The following BCAR1 variants were observed in gnomAD, a reference collection of about 807,000 sequenced individuals.
BCAR1 encodes the protein BCAR1 scaffold protein, Cas family member, also known as breast cancer anti-estrogen resistance protein 1.
A neutral mutation model predicts 67.6 loss-of-function variants in BCAR1; 30 were observed. The observed-to-expected ratio is 0.44, with a 90% confidence interval of 0.33 to 0.60. The LOEUF is 0.60. Among genes scored for constraint, BCAR1 ranks in the 20% least tolerant of loss-of-function variants. The probability of loss-of-function intolerance (pLI) is 0.02; values close to 1 mark genes in which losing one functional copy is unlikely to be tolerated. For synonymous variants in BCAR1, 626 were observed against 556.7 expected (o/e 1.12, Z -1.75); for missense variants, 1,313 against 1,222.3 (o/e 1.07, Z -1.11).
At chr16:75,238,858 G>T (rs888969056) in intron 2 of BCAR1, 1 of 985,402 alleles carries the variant, frequency 1.0e-6, no homozygotes, top group Non-Finnish European at 1.2e-6. Context: ...TCGAGGCACG[G>T]CCTGAGGCTT....
chr16:75,262,135 G>A (rs1001515395), intron 1 of BCAR1, among the ~76,000 whole-genome samples: 7 of 152,042 alleles, frequency 4.6e-5, no homozygotes, highest in Admixed American at 3.3e-4. Flanking sequence ...TCCCCACCCC[G>A]CAGCAGCCTC....
chr16:75,266,696 G>C, intron 1 of BCAR1: 1 of 1,373,490 alleles, frequency 7.3e-7, no homozygotes, highest in Non-Finnish European at 9.5e-7. Flanking sequence ...CATAGGCCCA[G>C]GCACTGAGAT....
intron 2 of BCAR1, chr16:75,238,119 C>A: frequency 7.8e-7 from 1 of 1,288,294 alleles, no homozygotes; most frequent in South Asian, 1.2e-5. Context: ...GAAGCCAAGG[C>A]CCGCACAGTG....
chr16:75,260,825 G>A (rs1331691834), intron 1 of BCAR1, among the ~76,000 whole-genome samples: 2 of 152,082 alleles, frequency 1.3e-5, no homozygotes, highest in Non-Finnish European at 2.9e-5. Flanking sequence ...TTTTTGCCCT[G>A]ACCATCAGGG....
upstream of BCAR1, chr16:75,251,968 C>T (rs776410573): frequency 1.8e-5 from 11 of 595,818 alleles, no homozygotes; most frequent in Non-Finnish European, 2.9e-5. Flanking sequence ...TGCCTTCTTC[C>T]TCCAGAGCCG....
At chr16:75,264,683 C>T in intron 1 of BCAR1, 1 of 1,245,824 alleles carries the variant, frequency 8.0e-7, no homozygotes, top group Non-Finnish European at 1.0e-6. Context: ...ACTTGGCCAG[C>T]TTCCCTCTGG....
At chr16:75,247,791 T>G (rs1353233395) in intron 1 of BCAR1, 1 of 518,166 alleles carries the variant, frequency 1.9e-6, no homozygotes, top group Non-Finnish European at 3.5e-6. Flanking sequence ...ATATCTGGCC[T>G]GCACCCTTTC....
At position 75,230,027 on chromosome 16, in the gene BCAR1, G is replaced by T; in HGVS notation, c.2101-4C>A. 6.6e-7 allele frequency: 1 copy of T among 1,525,676 alleles called. No individual in the cohort carries two copies. Among genetic ancestry groups the T allele is most frequent in the Non-Finnish European group, 8.8e-7 (1 of 1,135,546 alleles). The allele number at this position is 1,525,676 out of a possible 1,614,324, so 94.5% of individuals were successfully genotyped here. ...CCAGTCGTTCAAACTGCTTCAGCTGGGGCAGGAGGGAAGCAGGAGCAGGGT... is the reference window on the plus strand; with the variant it reads ...CCAGTCGTTCAAACTGCTTCAGCTGTGGCAGGAGGGAAGCAGGAGCAGGGT... On this transcript the variant is annotated splice_region_variant and splice_polypyrimidine_tract_variant and intron_variant, in intron 6 of 6. Coordinates refer to ENST00000162330, the MANE Select transcript of BCAR1 (RefSeq NM_014567.5).
In BCAR1 at chr16:75,241,458, C is replaced by T. The variant is rs542884855; in HGVS notation, c.633+1012G>A. On this transcript the variant is annotated intron_variant, in intron 2 of 6. Coordinates refer to ENST00000162330, the MANE Select transcript of BCAR1 (RefSeq NM_014567.5). Reference sequence around the variant, plus strand: ...AGGACACTGCTCCCTGCCGCCTCCCCAGGGGATAACAGGACCCTGCTCCTC... The same window carrying T: ...AGGACACTGCTCCCTGCCGCCTCCCTAGGGGATAACAGGACCCTGCTCCTC... Among the ~76,000 whole-genome samples, 8 of 152,212 alleles carry T rather than the reference C, an allele frequency of 5.3e-5. No homozygotes were observed. The East Asian group carries it at 1.4e-3, about 26-fold the overall frequency.
intron 4 of BCAR1, chr16:75,236,489 C>T (rs1046246689): frequency 7.4e-5 from 25 of 340,056 alleles, no homozygotes; most frequent in Middle Eastern, 1.6e-3. Flanking sequence ...AGCAGGTGTG[C>T]GACTGAGCTC....
Position 75,237,348 on chromosome 16 carries a change from G to A in BCAR1, c.634-4C>T. 2.1e-6 allele frequency: 3 copies of A among 1,457,100 alleles called. No homozygotes were observed. 90.3% of individuals were successfully genotyped at this position (1,457,100 alleles called of 1,614,324 possible). A position where few individuals can be genotyped will look rare whatever the true frequency, so the allele number is the denominator to read the frequency against. ...CCACGCGGGTGGGCACCACCACCTG[G>A]GGGCAGAGAGCCGACTTCACTGCTG... On this transcript the variant is annotated splice_polypyrimidine_tract_variant and splice_region_variant and intron_variant, in intron 2 of 6. Transcript: ENST00000162330.
chr16:75,234,747 A>G (rs2077039165), intron 5 of BCAR1, 142 bp downstream of exon 5: 1 of 1,290,090 alleles, frequency 7.8e-7, no homozygotes, highest in South Asian at 1.7e-5. Context: ...ACATGGGGCC[A>G]ATGTGGGGTG....
intron 1 of BCAR1, among the ~76,000 whole-genome samples, chr16:75,243,884 C>T (rs960916310): frequency 2.0e-5 from 3 of 152,238 alleles, no homozygotes; most frequent in South Asian, 2.1e-4. Context: ...TCGCCCCTGC[C>T]GCTGCTGCCC....
intron 2 of BCAR1, among the ~76,000 whole-genome samples, chr16:75,239,716 T>G (rs966399119): frequency 6.6e-6 from 1 of 152,058 alleles, no homozygotes; most frequent in East Asian, 1.9e-4. Context: ...CACCCCAGCA[T>G]GAGGGGCTCA....
intron 1 of BCAR1, chr16:75,245,961 G>GTGCTTTT (rs2077504138): frequency 3.7e-5 from 1 of 27,006 alleles, no homozygotes; most frequent in Non-Finnish European, 8.9e-5. Context: ...TCATAGGATT[G>GTGCTTTT]TTCTTTTTTT....
chr16:75,231,003 CAG>C (rs1283355480), intron 6 of BCAR1, among the ~76,000 whole-genome samples: 4 of 150,248 alleles, frequency 2.7e-5, no homozygotes. Flanking sequence ...TGAGCCCTGA[CAG>C]AGCACAGGCA....
rs754042658 is a variant in BCAR1 at position 75,235,515 on chromosome 16, C to A, written c.1384G>T (p.Ala462Ser). 1.9e-5 allele frequency: 30 copies of A among 1,596,666 alleles called. No homozygotes were observed. Among genetic ancestry groups the A allele is most frequent in the Non-Finnish European group, 2.5e-5 (29 of 1,172,442 alleles). ...ACACCCTGCTGCAGCCGTGCCAGGG[C>A]CTCCACAGCAACTTCCAGCTCCAGG... ...EPLELEVAVEALARLQQGVSA... is the reference protein window; with the variant it reads ...EPLELEVAVESLARLQQGVSA... The change falls in exon 5 of 7, where the codon GCC becomes TCC. Residue 462 changes from alanine to serine, a missense_variant. Ala to Ser is a moderately conservative substitution (Grantham distance 99). Coordinates refer to ENST00000162330, the MANE Select transcript of BCAR1 (RefSeq NM_014567.5).
At chr16:75,230,130 C>G in intron 6 of BCAR1, 107 bp from the exon 7 acceptor site, 2 of 1,374,172 alleles carry the variant, frequency 1.5e-6, no homozygotes, top group Non-Finnish European at 2.0e-6. Context: ...GGCCGCTACT[C>G]AGAGTGCATG....
chr16:75,239,075 G>A (rs569480205), intron 2 of BCAR1: 8 of 985,404 alleles, frequency 8.1e-6, no homozygotes, highest in Middle Eastern at 5.2e-4. Flanking sequence ...GAGCTGAGTC[G>A]GGTGGCAGTA....
Sources: allele counts gnomAD v4.1 joint callset (sites outside exome capture counted in the v4.1 genomes callset), GRCh38; gene constraint gnomAD v4.1.1; transcripts MANE v1.5; gene names NCBI Gene and HGNC (gene_info 2026-07-23, HGNC 2026-07-21).